The following FBXL7 variants were observed in gnomAD, a reference collection of about 807,000 sequenced individuals.
FBXL7 encodes the protein F-box and leucine rich repeat protein 7.
In FBXL7, 12 loss-of-function variants were observed where a neutral mutation model predicts 38.3. The observed-to-expected ratio is 0.31, with a 90% CI of 0.20 to 0.51. The LOEUF (loss-of-function observed/expected upper bound fraction) is 0.51, where lower values mean the gene tolerates loss of function less well. Among genes scored for constraint, FBXL7 ranks in the 20% least tolerant of loss-of-function variants. The pLI, the probability that FBXL7 is intolerant of heterozygous loss-of-function variation, is 0.98. For synonymous variants in FBXL7, 297 were observed against 300.9 expected (o/e 0.99, Z 0.13); for missense variants, 567 against 676.4 (o/e 0.84, Z 1.79).
rs113458566 is a variant in FBXL7, at chr5:15,644,774, G to A, written c.127+28702G>A. Reference sequence around the variant, plus strand: ...GGTTTTCAGATACAGAGAACCTAGTGTATGCATGAGAAAGTAAATCTCCTC... The same window carrying A: ...GGTTTTCAGATACAGAGAACCTAGTATATGCATGAGAAAGTAAATCTCCTC... On this transcript the variant is annotated intron_variant, in intron 2 of 3. Coordinates refer to ENST00000504595, the MANE Select transcript of FBXL7 (RefSeq NM_012304.5). Among the ~76,000 whole-genome samples, 755 of 152,266 alleles carry A rather than the reference G, an allele frequency of 5.0e-3. 6 individuals carry two copies. The highest frequency in any genetic ancestry group is 0.017 in the African/African-American group (706 of 41,544).
At chr5:15,582,935 G>GTTTT (rs573419096) in intron 1 of FBXL7, among the ~76,000 whole-genome samples, 1 of 138,596 alleles carries the variant, frequency 7.2e-6, no homozygotes. Context: ...CTTGGCTCAT[G>GTTTT]TTTTTTTTTT....
rs151129437 is a variant in FBXL7, at chr5:15,756,109, G to A, written c.127+140037G>A. On this transcript the variant is annotated intron_variant, in intron 2 of 3. Coordinates refer to ENST00000504595, the MANE Select transcript of FBXL7 (RefSeq NM_012304.5). The stretch of plus-strand genomic sequence containing the variant: ...TCACAGTTCTAGGATTAGCCTGAAA[G>A]CAGTTCAATCTAGTTACTGATTTAT... 1.5e-3 allele frequency among the ~76,000 whole-genome samples: 230 copies of A among 152,322 alleles called. 4 individuals are homozygous for A. Among genetic ancestry groups the A allele is most frequent in the African/African-American group, 5.3e-3 (221 of 41,578 alleles).
intron 1 of FBXL7, among the ~76,000 whole-genome samples, chr5:15,525,600 G>C (rs925631813): frequency 7.9e-5 from 12 of 151,886 alleles, no homozygotes; most frequent in Admixed American, 7.9e-4. Context: ...CTGCATTGCT[G>C]TGTGTGTGTG....
At chr5:15,707,266 C>A (rs1743718007) in intron 2 of FBXL7, among the ~76,000 whole-genome samples, 1 of 139,486 alleles carries the variant, frequency 7.2e-6, no homozygotes, top group Non-Finnish European at 1.5e-5. Context: ...GTCAGAACAG[C>A]CCTGAGGGCT....
chr5:15,620,508 C>G (rs1308831800), intron 2 of FBXL7, among the ~76,000 whole-genome samples: 2 of 151,834 alleles, frequency 1.3e-5, no homozygotes, highest in African/African-American at 4.8e-5. Context: ...CCTCGGCCTC[C>G]TAAAGTGCTG....
At chr5:15,613,212 G>T (rs1740314177) in intron 1 of FBXL7, among the ~76,000 whole-genome samples, 1 of 152,168 alleles carries the variant, frequency 6.6e-6, no homozygotes, top group African/African-American at 2.4e-5. Context: ...AGACTGAGCT[G>T]CTAGGAATCA....
chr5:15,793,422 A>T (rs1737328530), intron 2 of FBXL7, among the ~76,000 whole-genome samples: 3 of 152,014 alleles, frequency 2.0e-5, no homozygotes, highest in Admixed American at 1.3e-4. Flanking sequence ...TTTCTCCTCC[A>T]TGTCTGTCCT....
chr5:15,682,332 A>G (rs1742867823), intron 2 of FBXL7, among the ~76,000 whole-genome samples: 1 of 152,158 alleles, frequency 6.6e-6, no homozygotes, highest in Non-Finnish European at 1.5e-5. Flanking sequence ...ACGTGACCTT[A>G]CTAACACATC....
chr5:15,822,182 C>G (rs1318189464), intron 2 of FBXL7, among the ~76,000 whole-genome samples: 1 of 139,618 alleles, frequency 7.2e-6, no homozygotes, highest in African/African-American at 2.6e-5. Flanking sequence ...GAAAGCCCAT[C>G]TCTACTAAAA....
chr5:15,893,072 C>T (rs565772586), intron 2 of FBXL7, among the ~76,000 whole-genome samples: 10 of 150,548 alleles, frequency 6.6e-5, no homozygotes, highest in African/African-American at 1.5e-4. Context: ...GCGGAGATCA[C>T]GCCACTGCAC....
At chr5:15,887,112 A>G (rs910314454) in intron 2 of FBXL7, among the ~76,000 whole-genome samples, 1 of 152,202 alleles carries the variant, frequency 6.6e-6, no homozygotes, top group African/African-American at 2.4e-5. Context: ...TCGTTTATAT[A>G]TGGGATGAAC....
At chr5:15,675,226 A>G (rs1369829355) in intron 2 of FBXL7, among the ~76,000 whole-genome samples, 1 of 152,224 alleles carries the variant, frequency 6.6e-6, no homozygotes, top group African/African-American at 2.4e-5. Flanking sequence ...TTTTTGCTGT[A>G]GTTGAACTTT....
chr5:15,743,096 A>G (rs1337909164), intron 2 of FBXL7, among the ~76,000 whole-genome samples: 2 of 152,122 alleles, frequency 1.3e-5, no homozygotes, highest in Non-Finnish European at 2.9e-5. Context: ...CAGCCAAACC[A>G]TATCATCTCA....
At chr5:15,780,145 C>G (rs186372307) in intron 2 of FBXL7, among the ~76,000 whole-genome samples, 7 of 152,156 alleles carry the variant, frequency 4.6e-5, no homozygotes, top group Admixed American at 1.3e-4. Flanking sequence ...ACAGTTTGCA[C>G]GGCTGTGTCT....
chr5:15,710,457 A>G (rs1561095025), intron 2 of FBXL7, among the ~76,000 whole-genome samples: 1 of 152,160 alleles, frequency 6.6e-6, no homozygotes, highest in East Asian at 1.9e-4. Context: ...GAGACCTTCC[A>G]AGGCCACATT....
chr5:15,840,932 A>T (rs1738730801), intron 2 of FBXL7, among the ~76,000 whole-genome samples: 1 of 151,812 alleles, frequency 6.6e-6, no homozygotes, highest in African/African-American at 2.4e-5. Flanking sequence ...CATTTAGTAA[A>T]TTTTATTATC....
In FBXL7 at chr5:15,807,320, G is replaced by A. The variant is rs181649986; in HGVS notation, c.128-120570G>A. 2.4e-3 allele frequency among the ~76,000 whole-genome samples: 368 copies of A among 152,274 alleles called. 2 individuals carry two copies. The highest frequency in any genetic ancestry group is 8.4e-3 in the African/African-American group (351 of 41,578). On this transcript the variant is annotated intron_variant, in intron 2 of 3. Coordinates refer to ENST00000504595, the MANE Select transcript of FBXL7 (RefSeq NM_012304.5). Reference sequence around the variant, plus strand: ...CTTTCTACATGGTGAAATACACCATGCTGGTACTTGGAGTTAGGCAACCCT... The same window carrying A: ...CTTTCTACATGGTGAAATACACCATACTGGTACTTGGAGTTAGGCAACCCT...
intron 2 of FBXL7, among the ~76,000 whole-genome samples, chr5:15,678,179 T>C (rs1192134150): frequency 1.3e-5 from 2 of 152,184 alleles, no homozygotes; most frequent in African/African-American, 4.8e-5. Flanking sequence ...GTTTCTGCAA[T>C]GTATGTGAAA....
chr5:15,500,667 C>A lies in FBXL7; in HGVS notation c.-10C>A, dbSNP rs781675702. ...GTGTCCCGGGAGACGGCGGGCATGA[C>A]GGCTACAGGATGGGCGCGAACAATG... is the stretch of plus-strand genomic sequence containing the variant. On this transcript the variant is annotated 5_prime_UTR_variant, in exon 1 of 4. Transcript: ENST00000504595. The A allele has an allele frequency of 6.2e-7, 1 of 1,613,082 alleles. No individual in the cohort carries two copies. The highest frequency in any genetic ancestry group is 8.5e-7 in the Non-Finnish European group (1 of 1,179,372).
Sources: allele counts gnomAD v4.1 joint callset (sites outside exome capture counted in the v4.1 genomes callset), GRCh38; gene constraint gnomAD v4.1.1; transcripts MANE v1.5; gene names NCBI Gene and HGNC (gene_info 2026-07-23, HGNC 2026-07-21).